The following PRKCZ variants were observed in gnomAD, a reference collection of about 807,000 sequenced individuals.
PRKCZ encodes the protein protein kinase C zeta type.
Under a neutral mutation model 79.5 loss-of-function variants are expected in PRKCZ, and 33 were observed. The ratio of observed to expected loss-of-function variants is 0.41; its 90% CI spans 0.31 to 0.55. The LOEUF is 0.55. Among genes scored for constraint, PRKCZ ranks in the 20% least tolerant of loss-of-function variants. The pLI is 0.19. For synonymous variants in PRKCZ, 342 were observed against 320.9 expected (o/e 1.07, Z -0.70); for missense variants, 578 against 813.5 (o/e 0.71, Z 3.52).
At chr1:2,060,885 G>T (rs139654675) in intron 4 of PRKCZ, among the ~76,000 whole-genome samples, 8 of 152,344 alleles carry the variant, frequency 5.3e-5, no homozygotes, top group African/African-American at 1.9e-4. Flanking sequence ...CTACGCAGCT[G>T]CCCTGGTGGT....
chr1:2,089,576 G>C (rs760710779), intron 4 of PRKCZ, among the ~76,000 whole-genome samples: 2 of 152,138 alleles, frequency 1.3e-5, no homozygotes, highest in Non-Finnish European at 2.9e-5. Context: ...TGATAAAGGG[G>C]ACGAACAAAC....
At position 2,174,784 on chromosome 1, in the gene PRKCZ, G is replaced by A. The variant is rs752329843; in HGVS notation, c.1436G>A (p.Arg479Gln). 1.2e-6 allele frequency: 2 copies of A among 1,614,120 alleles called. No homozygotes were observed. The highest frequency in any genetic ancestry group is 1.7e-6 in the Non-Finnish European group (2 of 1,180,010). ...CTGGAGAAGCCCATCCGGATCCCCC[G>A]GTTCCTGTCCGTCAAAGCCTCCCAT... is the stretch of plus-strand genomic sequence containing the variant. ...VILEKPIRIP[R>Q]FLSVKASHVL... is the part of the protein sequence containing the mutation. Residue 479 changes from arginine to glutamine, a missense_variant, in exon 15 of 18, where the codon CGG becomes CAG. Transcript: ENST00000378567. This position sits in a 1 kb window ranked among gnomAD's most constrained non-coding sequence, Gnocchi z 6.2.
At chr1:2,161,498 T>C (rs1490942139) in intron 10 of PRKCZ, among the ~76,000 whole-genome samples, 1 of 152,192 alleles carries the variant, frequency 6.6e-6, no homozygotes, top group African/African-American at 2.4e-5. Context: ...GACATGGGCT[T>C]TGGGACACAC....
chr1:2,064,644 C>T (rs1660971439), intron 4 of PRKCZ, among the ~76,000 whole-genome samples: 1 of 152,182 alleles, frequency 6.6e-6, no homozygotes, highest in Middle Eastern at 3.2e-3. Flanking sequence ...TGCATTGGCA[C>T]CCTTGTTGAA....
In PRKCZ at chr1:2,174,149, T is replaced by C. The variant is rs1684997885; in HGVS notation, c.1405+133T>C. On this transcript the variant is annotated intron_variant, in intron 14 of 17. Transcript: ENST00000378567. The surrounding 1 kb of genome is among the most constrained non-coding windows in gnomAD (Gnocchi z 6.2). The stretch of plus-strand genomic sequence containing the variant: ...TGCAAAGCGTACCGGGAACCATTCC[T>C]CCTGGCCAGACCCTGTGTCACATGC... 2 of 1,227,476 alleles carry C rather than the reference T, an allele frequency of 1.6e-6. No homozygotes were observed. The highest frequency in any genetic ancestry group is 3.1e-5 in the African/African-American group (2 of 63,524). 76.0% of individuals were successfully genotyped at this position (1,227,476 alleles called of 1,614,324 possible).
chr1:2,082,446 C>T lies in PRKCZ; in HGVS notation c.334+22855C>T, dbSNP rs892768936. 15 of 455,720 alleles carry T rather than the reference C, an allele frequency of 3.3e-5. No individual in the cohort carries two copies. In the Admixed American group the frequency reaches 3.5e-4, roughly 11 times the overall value. The allele number at this position is 455,720 out of a possible 1,614,324, so 28.2% of individuals were successfully genotyped here. ...AGAGAGAATTGAGTTTGCATGGAGA[C>T]TGTAATTTCATTCTGTGAGTGTAAG... On this transcript the variant is annotated intron_variant, in intron 4 of 17. Coordinates refer to ENST00000378567, the MANE Select transcript of PRKCZ (RefSeq NM_002744.6). This position sits in a 1 kb window ranked among gnomAD's most constrained non-coding sequence, Gnocchi z 4.4.
At chr1:2,112,360 C>T (rs998858027) in intron 4 of PRKCZ, among the ~76,000 whole-genome samples, 3 of 152,206 alleles carry the variant, frequency 2.0e-5, no homozygotes, top group African/African-American at 7.2e-5. Context: ...GCCGGCGAGG[C>T]GGCCCGCGAA....
Position 2,103,889 on chromosome 1 carries a change from G to A in PRKCZ, c.335-31373G>A, listed in dbSNP as rs539669119. Among the ~76,000 whole-genome samples the A allele has an allele frequency of 1.1e-4, 16 of 152,290 alleles. No homozygotes were observed. In the East Asian group the frequency reaches 1.7e-3, roughly 17 times the overall value. ...GGAGGAGAGGGGTGAAGGGCAACGC[G>A]CCCCCGTTTAAACACCTCCTGGCCT... On this transcript the variant is annotated intron_variant, in intron 4 of 17. Transcript: ENST00000378567.
At position 2,123,657 on chromosome 1, in the gene PRKCZ, TCAC is replaced by T. The variant is rs760199624; in HGVS notation, c.335-11604_335-11602del. ...GTTAGGGTCACGGTGGTAGTTAGGG[TCAC>T]GGTGGTGGTTAGGGTCACGGCGGTG... On this transcript the variant is annotated intron_variant, in intron 4 of 17. Coordinates refer to ENST00000378567, the MANE Select transcript of PRKCZ (RefSeq NM_002744.6). Among the ~76,000 whole-genome samples, 14 of 73,710 alleles carry T rather than the reference TCAC, an allele frequency of 1.9e-4. 1 individual carries two copies. The highest frequency in any genetic ancestry group is 2.7e-4 in the African/African-American group (4 of 15,012). The allele number at this position is 73,710 out of a possible 152,430, so 48.4% of individuals were successfully genotyped here. A position where few individuals can be genotyped will look rare whatever the true frequency, so the allele number is the denominator to read the frequency against.
chr1:2,111,023 G>A (rs1019575837), intron 4 of PRKCZ, among the ~76,000 whole-genome samples: 3 of 152,156 alleles, frequency 2.0e-5, no homozygotes, highest in Non-Finnish European at 2.9e-5. Flanking sequence ...CCCTGAGGGC[G>A]GGACCCAGGC....
At chr1:2,166,058 G>A (rs1027266421) in intron 10 of PRKCZ, among the ~76,000 whole-genome samples, 24 of 152,184 alleles carry the variant, frequency 1.6e-4, no homozygotes, top group African/African-American at 5.8e-4. Context: ...CCTGAGAGCT[G>A]CACTTTGTCT....
At position 2,157,000 on chromosome 1, in the gene PRKCZ, G is replaced by A. The variant is rs368782547; in HGVS notation, c.974+908G>A. ...TGGAGGCTGAGAAATCCTATAATCC[G>A]CCATCTGCAGGCTGGAGGCCCAGGA... is the stretch of plus-strand genomic sequence containing the variant. On this transcript the variant is annotated intron_variant, in intron 10 of 17. Transcript: ENST00000378567. Among the ~76,000 whole-genome samples, 7 of 152,304 alleles carry A rather than the reference G, an allele frequency of 4.6e-5. No individual in the cohort carries two copies. The East Asian group carries it at 7.7e-4, about 17-fold the overall frequency.
rs1257391092 is a variant in PRKCZ at position 2,178,521 on chromosome 1, G to T, written c.1575+3208G>T. ...TGAACCCGCTTCTGGGTGGACTCGT[G>T]CTGCTGTGAGCACCTGTGAACCCGC... On this transcript the variant is annotated intron_variant, in intron 16 of 17. Coordinates refer to ENST00000378567, the MANE Select transcript of PRKCZ (RefSeq NM_002744.6). This position sits in a 1 kb window ranked among gnomAD's most constrained non-coding sequence, Gnocchi z 4.3. Among the ~76,000 whole-genome samples the T allele has an allele frequency of 6.6e-6, 1 of 151,762 alleles. No individual in the cohort carries two copies. The highest frequency in any genetic ancestry group is 1.5e-5 in the Non-Finnish European group (1 of 68,016).
chr1:2,071,827 G>A (rs563296698), intron 4 of PRKCZ, among the ~76,000 whole-genome samples: 92 of 152,332 alleles, frequency 6.0e-4, no homozygotes, highest in Admixed American at 1.5e-3. Context: ...GGCCTAGCCA[G>A]GGGTCTGCGA....
At chr1:2,080,027 C>T (rs752429191) in intron 4 of PRKCZ, among the ~76,000 whole-genome samples, 3 of 152,242 alleles carry the variant, frequency 2.0e-5, no homozygotes, top group Non-Finnish European at 2.9e-5. Context: ...AGGTGCCCCA[C>T]TTTCCTGCTA....
At chr1:2,134,762 C>T (rs537366961) in intron 4 of PRKCZ, 2 of 152,888 alleles carry the variant, frequency 1.3e-5, no homozygotes, top group East Asian at 1.9e-4. Context: ...GCGCTCTGCA[C>T]CTTAGCCTGG....
At chr1:2,129,014 A>G (rs1054655086) in intron 4 of PRKCZ, among the ~76,000 whole-genome samples, 2 of 151,882 alleles carry the variant, frequency 1.3e-5, no homozygotes, top group Non-Finnish European at 2.9e-5. Flanking sequence ...CCAAGCAGAA[A>G]CCCAAACACT....
At chr1:2,162,543 TTCAC>T (rs1682523097) in intron 10 of PRKCZ, among the ~76,000 whole-genome samples, 4 of 152,240 alleles carry the variant, frequency 2.6e-5, no homozygotes, top group Non-Finnish European at 5.9e-5. Context: ...TACCTTTTCA[TTCAC>T]TCACATCCTC....
At chr1:2,061,802 C>T (rs1056519348) in intron 4 of PRKCZ, among the ~76,000 whole-genome samples, 4 of 152,190 alleles carry the variant, frequency 2.6e-5, no homozygotes, top group Admixed American at 6.5e-5. Flanking sequence ...AGGGGGCTGG[C>T]GCTCTCCCTG....
Sources: allele counts gnomAD v4.1 joint callset (sites outside exome capture counted in the v4.1 genomes callset), GRCh38; gene constraint gnomAD v4.1.1; non-coding constraint Gnocchi (gnomAD v3.1); transcripts MANE v1.5; gene names NCBI Gene and HGNC (gene_info 2026-07-23, HGNC 2026-07-21).